The following NALF1 variants were observed in gnomAD, a reference collection of about 807,000 sequenced individuals.
The protein encoded by NALF1 is NALCN channel auxiliary factor 1, also known as family with sequence similarity 155 member A.
In NALF1, 3 loss-of-function variants were observed where a neutral mutation model predicts 48.4. The observed-to-expected ratio is 0.06, with a 90% confidence interval of 0.03 to 0.16. The LOEUF is 0.16. Among genes scored for constraint, NALF1 ranks in the 10% least tolerant of loss-of-function variants. NALF1 has a pLI of 1.00. For missense variants in NALF1, 526 were observed against 571.5 expected, an observed-to-expected ratio of 0.92 and a Z score of 0.81; for synonymous variants, 262 against 245.7, an observed-to-expected ratio of 1.07 and a Z score of -0.62.
intron 1 of NALF1, among the ~76,000 whole-genome samples, chr13:107,415,808 G>A (rs956073274): frequency 6.6e-6 from 1 of 152,142 alleles, no homozygotes; most frequent in African/African-American, 2.4e-5. Context: ...GATACAATGT[G>A]ATGTGGCACT....
intron 1 of NALF1, among the ~76,000 whole-genome samples, chr13:107,334,405 A>G (rs1047218231): frequency 1.2e-4 from 18 of 151,950 alleles, no homozygotes; most frequent in Admixed American, 2.6e-4. Flanking sequence ...TTCTTTTCCA[A>G]CCCCTCCTTT....
At chr13:107,353,871 T>C (rs1448609543) in intron 1 of NALF1, among the ~76,000 whole-genome samples, 1 of 152,192 alleles carries the variant, frequency 6.6e-6, no homozygotes, top group African/African-American at 2.4e-5. Context: ...TGCATAGATA[T>C]TTATTCCTAT....
intron 1 of NALF1, among the ~76,000 whole-genome samples, chr13:107,223,176 G>T (rs1006366417): frequency 3.3e-5 from 5 of 152,248 alleles, no homozygotes; most frequent in African/African-American, 7.2e-5. Flanking sequence ...GCCAAAGAAA[G>T]ATTTAGATAT....
intron 1 of NALF1, among the ~76,000 whole-genome samples, chr13:107,382,037 A>T (rs1412196889): frequency 6.6e-6 from 1 of 152,144 alleles, no homozygotes; most frequent in Admixed American, 6.6e-5. Flanking sequence ...ATCCATCAAT[A>T]TAAACTTTCT....
chr13:107,549,905 A>C (rs555528700), intron 1 of NALF1, among the ~76,000 whole-genome samples: 1 of 151,994 alleles, frequency 6.6e-6, no homozygotes, highest in South Asian at 2.1e-4. Context: ...ATTTCCTGTC[A>C]ACTATTCTGT....
chr13:107,454,808 A>C (rs1014591817), intron 1 of NALF1, among the ~76,000 whole-genome samples: 1 of 152,146 alleles, frequency 6.6e-6, no homozygotes, highest in African/African-American at 2.4e-5. Context: ...CTCATCCTAG[A>C]GTTCTCTCCT....
rs1884653123 is a variant in NALF1 at position 107,446,463 on chromosome 13, T to C, written c.916-235708A>G. ...TTTTTACTAAATTGGAATTACACCC[T>C]GTATGATACTGTGCTCGTTACTTTC... On this transcript the variant is annotated intron_variant, in intron 1 of 2. Coordinates refer to ENST00000375915, the MANE Select transcript of NALF1 (RefSeq NM_001080396.3). Among the ~76,000 whole-genome samples, 4 of 151,964 alleles carry C rather than the reference T, an allele frequency of 2.6e-5. No individual in the cohort carries two copies. The South Asian group carries it at 8.3e-4, about 32-fold the overall frequency.
chr13:107,343,556 G>A (rs963510104), intron 1 of NALF1, among the ~76,000 whole-genome samples: 2 of 152,132 alleles, frequency 1.3e-5, no homozygotes. Flanking sequence ...ATGATTGTGA[G>A]GCTTTTCCAG....
chr13:107,757,708 A>G (rs896903569), intron 1 of NALF1, among the ~76,000 whole-genome samples: 1 of 152,148 alleles, frequency 6.6e-6, no homozygotes. Context: ...ACTGAAGCAT[A>G]AATCTGTCTG....
intron 1 of NALF1, among the ~76,000 whole-genome samples, chr13:107,555,439 ATTTTTTTTTTTTT>A (rs34486058): frequency 2.6e-4 from 18 of 69,958 alleles, no homozygotes; most frequent in Non-Finnish European, 4.3e-4. Flanking sequence ...AGCCTGGCTA[ATTTTTTTTTTTTT>A]TTTTTTTTTT....
intron 1 of NALF1, among the ~76,000 whole-genome samples, chr13:107,749,089 A>C (rs1188132722): frequency 6.6e-6 from 1 of 151,830 alleles, no homozygotes; most frequent in African/African-American, 2.4e-5. Context: ...GATGAGCTAA[A>C]ATCAATTTAG....
At chr13:107,687,733 T>C (rs1051346126) in intron 1 of NALF1, among the ~76,000 whole-genome samples, 5 of 152,212 alleles carry the variant, frequency 3.3e-5, no homozygotes, top group African/African-American at 9.6e-5. Context: ...TGAAATACTC[T>C]GTATAAGTAT....
chr13:107,569,907 T>C (rs1158342218), intron 1 of NALF1, among the ~76,000 whole-genome samples: 1 of 152,176 alleles, frequency 6.6e-6, no homozygotes, highest in Non-Finnish European at 1.5e-5. Context: ...TCTTCTTTGA[T>C]TTCATCATAT....
At chr13:107,670,660 C>T (rs1041569869) in intron 1 of NALF1, among the ~76,000 whole-genome samples, 1 of 152,020 alleles carries the variant, frequency 6.6e-6, no homozygotes, top group Non-Finnish European at 1.5e-5. Flanking sequence ...GATTACAGGG[C>T]CCAGATCTGT....
At chr13:107,587,318 C>T (rs1044259075) in intron 1 of NALF1, among the ~76,000 whole-genome samples, 1 of 152,038 alleles carries the variant, frequency 6.6e-6, no homozygotes, top group Non-Finnish European at 1.5e-5. Flanking sequence ...TGAGGCACTG[C>T]CAAAATCATA....
At position 107,165,653 on chromosome 13, in the gene NALF1, T is replaced by C. The variant is rs1464151425; in HGVS notation, c.*4844A>G. 1 of 152,376 alleles carries C rather than the reference T, an allele frequency of 6.6e-6. No individual in the cohort carries two copies. The highest frequency in any genetic ancestry group is 1.5e-5 in the Non-Finnish European group (1 of 68,034). The allele number at this position is 152,376 out of a possible 1,614,324, so 9.4% of individuals were successfully genotyped here. A position where few individuals can be genotyped will look rare whatever the true frequency, so the allele number is the denominator to read the frequency against. On this transcript the variant is annotated 3_prime_UTR_variant, in exon 3 of 3. Transcript: ENST00000375915. ...AGAATTTCTAGAATTTGTAGCTGTT[T>C]GATAGTTCTTATAAATGTCATGAAG...
intron 1 of NALF1, among the ~76,000 whole-genome samples, chr13:107,774,346 C>T (rs905503427): frequency 6.6e-6 from 1 of 152,152 alleles, no homozygotes; most frequent in Non-Finnish European, 1.5e-5. Context: ...GAAATGAAGT[C>T]CACAGGCAAC....
chr13:107,228,402 G>A (rs888597532), intron 1 of NALF1, among the ~76,000 whole-genome samples: 4 of 152,224 alleles, frequency 2.6e-5, no homozygotes, highest in African/African-American at 9.6e-5. Context: ...AAACAAGCAA[G>A]AAAAGGTAAT....
intron 1 of NALF1, among the ~76,000 whole-genome samples, chr13:107,448,022 C>G (rs1884678999): frequency 6.6e-6 from 1 of 152,094 alleles, no homozygotes; most frequent in Non-Finnish European, 1.5e-5. Flanking sequence ...TTTGACCCCT[C>G]TGCCTTGTGC....
Sources: allele counts gnomAD v4.1 joint callset (sites outside exome capture counted in the v4.1 genomes callset), GRCh38; gene constraint gnomAD v4.1.1; transcripts MANE v1.5; gene names NCBI Gene and HGNC (gene_info 2026-07-23, HGNC 2026-07-21).